BMS1: variants seen among roughly 807,000 people sequenced by gnomAD.
BMS1 encodes ribosome biogenesis protein BMS1 homolog.
BMS1 carries 53 observed loss-of-function variants against 138.7 expected under a neutral mutation model. The ratio of observed to expected loss-of-function variants is 0.38; its 90% CI spans 0.31 to 0.48. The LOEUF is 0.48. Ranked by LOEUF, BMS1 falls within the 20% of genes least tolerant of loss-of-function variation. BMS1 has a pLI of 0.97. For missense variants in BMS1, 1,360 were observed against 1,565.5 expected (o/e 0.87, Z 2.22); for synonymous variants, 504 against 539.9 (o/e 0.93, Z 0.92).
chr10:42,797,467 C>A lies in BMS1; in HGVS notation c.2033C>A (p.Ala678Asp). 1 of 1,614,168 alleles carries A rather than the reference C, an allele frequency of 6.2e-7. No individual in the cohort carries two copies. Among genetic ancestry groups the A allele is most frequent in the Non-Finnish European group, 8.5e-7 (1 of 1,180,020 alleles). ...GACCTTTCCAGAAAGGCAGCTGAGGCCTTTCTGAGGCAGCAGCAAGCAGCT... is the reference window on the plus strand; with the variant it reads ...GACCTTTCCAGAAAGGCAGCTGAGGACTTTCTGAGGCAGCAGCAAGCAGCT... Reference protein sequence around the residue: ...KEDLSRKAAEAFLRQQQAAPN... With the variant: ...KEDLSRKAAEDFLRQQQAAPN... Residue 678 changes from alanine (A) to aspartate (D), a missense_variant, in exon 11 of 23, where the codon GCC becomes GAC. Ala to Asp is a moderately radical substitution (Grantham distance 126). This residue lies in a region of BMS1 where 697 missense variants were observed against 686.2 expected (regional missense o/e 1.02). Transcript: ENST00000374518.
At chr10:42,815,832 T>A (rs1298031800) in intron 13 of BMS1, among the ~76,000 whole-genome samples, 8 of 152,274 alleles carry the variant, frequency 5.3e-5, no homozygotes, top group African/African-American at 1.9e-4. Context: ...ACTCTTAATC[T>A]AAATGCTATG....
At chr10:42,790,209 T>C in intron 4 of BMS1, 114 bp from the exon 5 acceptor site, 1 of 952,642 alleles carries the variant, frequency 1.0e-6, no homozygotes, top group South Asian at 1.5e-5. Flanking sequence ...CCAATAAAAC[T>C]TTAGTTACAA....
chr10:42,791,856 T>G, intron 6 of BMS1, 87 bp downstream of exon 6: 1 of 1,464,122 alleles, frequency 6.8e-7, no homozygotes, highest in Non-Finnish European at 9.1e-7. Flanking sequence ...AGGATTTATT[T>G]TGTGCCGATT....
chr10:42,821,540 G>A (rs1429253396), intron 18 of BMS1, among the ~76,000 whole-genome samples: 5 of 123,284 alleles, frequency 4.1e-5, no homozygotes, highest in South Asian at 2.6e-4. Context: ...TACTCAAGGC[G>A]CCTTTTTTTT....
chr10:42,807,591 A>G (rs1449522324), intron 13 of BMS1, among the ~76,000 whole-genome samples: 2 of 151,786 alleles, frequency 1.3e-5, no homozygotes, highest in Non-Finnish European at 2.9e-5. Context: ...CCACATCAGC[A>G]CCCCCAAGGA....
At chr10:42,791,009 G>T (rs1841488818) in intron 5 of BMS1, among the ~76,000 whole-genome samples, 2 of 151,928 alleles carry the variant, frequency 1.3e-5, no homozygotes, top group Non-Finnish European at 2.9e-5. Context: ...TATGTGTTCA[G>T]CCTCTGGCCT....
At chr10:42,783,729 C>G (rs1740966771) in intron 1 of BMS1, among the ~76,000 whole-genome samples, 1 of 152,122 alleles carries the variant, frequency 6.6e-6, no homozygotes, top group South Asian at 2.1e-4. Flanking sequence ...TAGAACCAGT[C>G]CTATCTCACA....
intron 4 of BMS1, among the ~76,000 whole-genome samples, chr10:42,788,254 T>C (rs1201063576): frequency 1.3e-5 from 2 of 152,212 alleles, no homozygotes; most frequent in Non-Finnish European, 2.9e-5. Context: ...TTGAAATGAT[T>C]GAAATAGTTC....
At chr10:42,817,250 A>G (rs998171461) in intron 14 of BMS1, 68 bp from the exon 15 acceptor site, 107 of 1,242,320 alleles carry the variant, frequency 8.6e-5, no homozygotes, top group Non-Finnish European at 1.0e-4. Flanking sequence ...TAGAACTTTA[A>G]AAAAGCTAAT....
At chr10:42,801,483 T>A (rs1269552203) in intron 12 of BMS1, among the ~76,000 whole-genome samples, 2 of 152,362 alleles carry the variant, frequency 1.3e-5, no homozygotes, top group African/African-American at 4.8e-5. Flanking sequence ...TGGGTTCCAG[T>A]TTCACCAGTT....
intron 15 of BMS1, among the ~76,000 whole-genome samples, chr10:42,818,434 A>G (rs2132372503): frequency 6.6e-6 from 1 of 152,354 alleles, no homozygotes; most frequent in African/African-American, 2.4e-5. Flanking sequence ...CCAAGAGATC[A>G]GTCGGGTGGC....
Position 42,791,648 on chromosome 10 carries a change from T to C in BMS1, c.658T>C (p.Ser220Pro), listed in dbSNP as rs1171941579. 3.1e-6 allele frequency: 5 copies of C among 1,611,248 alleles called. No homozygotes were observed. The highest frequency in any genetic ancestry group is 1.3e-5 in the African/African-American group (1 of 74,924). Residue 220 changes from serine (S) to proline (P), a missense_variant, in exon 6 of 23, where the codon TCT (serine) becomes CCT (proline). Transcript: ENST00000374518. ...TTAGGGTGCCAAGCTGTTCTACCTT[T>C]CTGGAATGGTGCATGGAGAATATCA... ...VYPGAKLFYLSGMVHGEYQNQ... is the reference protein window; with the variant it reads ...VYPGAKLFYLPGMVHGEYQNQ...
intron 9 of BMS1, among the ~76,000 whole-genome samples, chr10:42,795,226 G>A (rs1841641755): frequency 6.6e-6 from 1 of 152,026 alleles, no homozygotes. Context: ...ATAAACATAC[G>A]TTTGCATGTG....
At chr10:42,791,157 G>A (rs115010665) in intron 5 of BMS1, among the ~76,000 whole-genome samples, 4,152 of 152,252 alleles carry the variant, frequency 0.027, 184 homozygotes, top group African/African-American at 0.095. Flanking sequence ...TTGTGTGTGT[G>A]TTCAGTTTTC....
intron 11 of BMS1, 137 bp from the exon 12 acceptor site, chr10:42,798,330 TG>T: frequency 9.9e-7 from 1 of 1,008,658 alleles, no homozygotes; most frequent in Non-Finnish European, 1.4e-6. Context: ...AACTCTTATG[TG>T]GCCATTGCCA....
At position 42,831,191 on chromosome 10, in the gene BMS1, A is replaced by G; in HGVS notation, c.*95A>G. ...CCTGTGAATGACAAGTCAGTGGGAA[A>G]GAGCTCAAGAGATGTCTCTACTCAA... On this transcript the variant is annotated 3_prime_UTR_variant, in exon 23 of 23. Transcript: ENST00000374518. The G allele has an allele frequency of 1.6e-6, 2 of 1,243,896 alleles. No homozygotes were observed. Among genetic ancestry groups the G allele is most frequent in the Non-Finnish European group, 1.1e-6 (1 of 903,632 alleles). 77.1% of individuals were successfully genotyped at this position (1,243,896 alleles called of 1,614,324 possible). A position where few individuals can be genotyped will look rare whatever the true frequency, so the allele number is the denominator to read the frequency against.
intron 6 of BMS1, 66 bp from the exon 7 acceptor site, chr10:42,792,427 A>T: frequency 6.3e-7 from 1 of 1,576,092 alleles, no homozygotes; most frequent in Non-Finnish European, 8.6e-7. Context: ...TGAATCATTG[A>T]CACATGAAAG....
chr10:42,787,715 A>G (rs1432803710), intron 4 of BMS1, among the ~76,000 whole-genome samples: 1 of 152,150 alleles, frequency 6.6e-6, no homozygotes, highest in African/African-American at 2.4e-5. Context: ...CAGTTAAGTA[A>G]CTTGTGTGAA....
intron 13 of BMS1, among the ~76,000 whole-genome samples, chr10:42,810,187 T>C (rs1173390319): frequency 6.7e-6 from 1 of 148,590 alleles, no homozygotes; most frequent in East Asian, 2.0e-4. Context: ...ATACAACATA[T>C]GGAAATGTGT....
Sources: allele counts gnomAD v4.1 joint callset (sites outside exome capture counted in the v4.1 genomes callset), GRCh38; gene constraint gnomAD v4.1.1; regional missense constraint gnomAD v4.1.1; transcripts MANE v1.5; gene names NCBI Gene and HGNC (gene_info 2026-07-23, HGNC 2026-07-21).